TYW1B: variants seen among roughly 807,000 people sequenced by gnomAD.
TYW1B encodes tRNA-yW synthesizing protein 1 homolog B, also known as S-adenosyl-L-methionine-dependent tRNA 4-demethylwyosine synthase TYW1B.
TYW1B carries 73 observed loss-of-function variants against 86.9 expected under a neutral mutation model. That is an observed-to-expected ratio of 0.84 (90% CI 0.70 to 1.02). The LOEUF (loss-of-function observed/expected upper bound fraction) is 1.02. Among genes scored for constraint, TYW1B ranks in the 50% least tolerant of loss-of-function variants. TYW1B has a pLI of 0.00. For missense variants in TYW1B, 637 were observed against 827.4 expected (o/e 0.77, Z 2.82); for synonymous variants, 248 against 292.8 (o/e 0.85, Z 1.56).
chr7:72,711,472 TC>T lies in TYW1B; in HGVS notation c.1370+2148del, dbSNP rs1384847904. ...CCTTCGTGTTTCTCTCCTCTTTAAT[TC>T]TTTTTTTTTTTTTTTTTTTTTTTTT... On this transcript the variant is annotated intron_variant, in intron 10 of 13. Coordinates refer to ENST00000620995, the MANE Select transcript of TYW1B (RefSeq NM_001145440.3). Among the ~76,000 whole-genome samples the T allele has an allele frequency of 3.0e-4, 39 of 129,762 alleles. 1 individual carries two copies. In the East Asian group the frequency reaches 5.2e-3, roughly 17 times the overall value. 85.1% of individuals were successfully genotyped at this position (129,762 alleles called of 152,430 possible).
intron 8 of TYW1B, among the ~76,000 whole-genome samples, chr7:72,735,777 C>A (rs1170237643): frequency 2.8e-5 from 4 of 141,378 alleles, no homozygotes; most frequent in Admixed American, 7.2e-5. Flanking sequence ...GGCTGAGGGA[C>A]AAGAATCGCT....
intron 13 of TYW1B, among the ~76,000 whole-genome samples, chr7:72,605,285 G>T (rs1422286575): frequency 1.9e-4 from 29 of 151,492 alleles, no homozygotes; most frequent in African/African-American, 6.8e-4. Flanking sequence ...ATCTTTAAAG[G>T]TCATGTAAAT....
At chr7:72,764,893 C>T (rs1433932461) in intron 7 of TYW1B, among the ~76,000 whole-genome samples, 1 of 152,154 alleles carries the variant, frequency 6.6e-6, no homozygotes, top group African/African-American at 2.4e-5. Context: ...CTATAGTATA[C>T]AACAATTTGG....
chr7:72,827,921 T>C lies in TYW1B; in HGVS notation c.4+151A>G, dbSNP rs1196914526. On this transcript the variant is annotated intron_variant, in intron 1 of 13. Transcript: ENST00000620995. ...CCAGGTCAAAAGTAGGGATCGGTCC[T>C]CCTTGCTCTCAGCGGCGGCTAGCCG... is the stretch of plus-strand genomic sequence containing the variant. 25 of 1,460,634 alleles carry C rather than the reference T, an allele frequency of 1.7e-5. No homozygotes were observed. In the East Asian group the frequency reaches 4.7e-4, roughly 27 times the overall value. 90.5% of individuals were successfully genotyped at this position (1,460,634 alleles called of 1,614,324 possible). A position where few individuals can be genotyped will look rare whatever the true frequency, so the allele number is the denominator to read the frequency against.
intron 7 of TYW1B, among the ~76,000 whole-genome samples, chr7:72,758,674 T>C (rs782322098): frequency 3.9e-5 from 6 of 152,128 alleles, no homozygotes; most frequent in Non-Finnish European, 7.4e-5. Flanking sequence ...TAGAGGCTTT[T>C]TTACTTTATT....
At chr7:72,721,225 A>G (rs1554457433) in intron 9 of TYW1B, among the ~76,000 whole-genome samples, 1 of 152,168 alleles carries the variant, frequency 6.6e-6, no homozygotes, top group Non-Finnish European at 1.5e-5. Flanking sequence ...ATGTGTCTTT[A>G]TAACAGCATG....
chr7:72,601,947 T>C (rs1371905128), intron 13 of TYW1B, among the ~76,000 whole-genome samples: 1 of 152,034 alleles, frequency 6.6e-6, no homozygotes, highest in Non-Finnish European at 1.5e-5. Context: ...GGGCAGAAAA[T>C]TATTCTAAGT....
chr7:72,629,947 A>G (rs1290248811), intron 11 of TYW1B, among the ~76,000 whole-genome samples: 1 of 152,174 alleles, frequency 6.6e-6, no homozygotes, highest in Non-Finnish European at 1.5e-5. Context: ...ATGATTAAAC[A>G]TTCAAAAACA....
intron 10 of TYW1B, among the ~76,000 whole-genome samples, chr7:72,700,155 C>CTTTTTTTTTT (rs587689485): frequency 1.6e-4 from 12 of 74,252 alleles, no homozygotes; most frequent in East Asian, 1.3e-3. Context: ...AGCTTTTACA[C>CTTTTTTTTTT]TTTTTTTTTT....
intron 10 of TYW1B, among the ~76,000 whole-genome samples, chr7:72,712,564 G>A (rs1174992581): frequency 7.9e-5 from 12 of 152,166 alleles, no homozygotes; most frequent in Non-Finnish European, 1.5e-4. Flanking sequence ...TCAACCTCAG[G>A]TGATCCACCG....
intron 2 of TYW1B, among the ~76,000 whole-genome samples, chr7:72,821,034 G>A (rs1284661769): frequency 1.3e-5 from 2 of 152,150 alleles, no homozygotes; most frequent in South Asian, 2.1e-4. Context: ...GTGCAGTGGC[G>A]CCATCTTGGC....
chr7:72,808,096 C>CAA (rs3034181), intron 4 of TYW1B, among the ~76,000 whole-genome samples: 28 of 90,712 alleles, frequency 3.1e-4, no homozygotes, highest in African/African-American at 1.0e-3. Flanking sequence ...GACTCTGTCT[C>CAA]AAAAAAAAAA....
At chr7:72,763,123 A>G (rs1554467497) in intron 7 of TYW1B, among the ~76,000 whole-genome samples, 1 of 151,932 alleles carries the variant, frequency 6.6e-6, no homozygotes, top group African/African-American at 2.4e-5. Flanking sequence ...TCACACCACA[A>G]AAAGTTTTCT....
At chr7:72,665,369 T>G (rs1231232527) in intron 11 of TYW1B, among the ~76,000 whole-genome samples, 3 of 152,232 alleles carry the variant, frequency 2.0e-5, no homozygotes, top group Non-Finnish European at 4.4e-5. Flanking sequence ...GAGTCTCTGA[T>G]GACACTGAGA....
chr7:72,626,663 G>T lies in TYW1B; in HGVS notation c.1617+2224C>A, dbSNP rs2421403. Among the ~76,000 whole-genome samples the T allele has an allele frequency of 5.5e-3, 837 of 151,836 alleles. 8 individuals are homozygous for T. Among genetic ancestry groups the T allele is most frequent in the African/African-American group, 0.019 (796 of 41,350 alleles). Reference sequence around the variant, plus strand: ...AGGTGCTATTCTTGATTCTTTTTTCGTTCAGCCCGTACCTATAACCTAGCA... The same window carrying T: ...AGGTGCTATTCTTGATTCTTTTTTCTTTCAGCCCGTACCTATAACCTAGCA... On this transcript the variant is annotated intron_variant, in intron 12 of 13. Transcript: ENST00000620995.
Position 72,575,380 on chromosome 7 carries a change from T to C in TYW1B, c.*118A>G. ...TGTCTCCATGTTTACTGCCTTATCG[T>C]CTCCTTTGTATGAAAGTATAATTTA... On this transcript the variant is annotated 3_prime_UTR_variant, in exon 14 of 14. Coordinates refer to ENST00000620995, the MANE Select transcript of TYW1B (RefSeq NM_001145440.3). 3 of 1,463,204 alleles carry C rather than the reference T, an allele frequency of 2.1e-6. No individual in the cohort carries two copies. Among genetic ancestry groups the C allele is most frequent in the Non-Finnish European group, 2.7e-6 (3 of 1,108,084 alleles). 90.6% of individuals were successfully genotyped at this position (1,463,204 alleles called of 1,614,324 possible). A position where few individuals can be genotyped will look rare whatever the true frequency, so the allele number is the denominator to read the frequency against.
chr7:72,761,978 T>A (rs1215084652), intron 7 of TYW1B, among the ~76,000 whole-genome samples: 1 of 152,132 alleles, frequency 6.6e-6, no homozygotes, highest in African/African-American at 2.4e-5. Context: ...AAGTTGGCTA[T>A]AATTAAAAGA....
intron 8 of TYW1B, among the ~76,000 whole-genome samples, chr7:72,736,885 C>T (rs1203459901): frequency 6.6e-6 from 1 of 152,168 alleles, no homozygotes; most frequent in East Asian, 1.9e-4. Context: ...AGTTAATGGA[C>T]ATCTGGAGTA....
chr7:72,744,558 T>A lies in TYW1B; in HGVS notation c.1008A>T (p.Leu336=). The change falls in exon 8 of 14, where the codon CTA becomes CTT. Residue 336 remains leucine, a synonymous_variant. Coordinates refer to ENST00000620995, the MANE Select transcript of TYW1B (RefSeq NM_001145440.3). ...CCATGCAGCGATGGCTCTCATTCCA[T>A]AGAATGTGTGTTTGTAACAAGCTCC... ...RERSLLQTHI[L]WNESHRCMET... The A allele has an allele frequency of 6.2e-7, 1 of 1,612,958 alleles. No individual in the cohort carries two copies. The highest frequency in any genetic ancestry group is 8.5e-7 in the Non-Finnish European group (1 of 1,179,138).
Sources: allele counts gnomAD v4.1 joint callset (sites outside exome capture counted in the v4.1 genomes callset), GRCh38; gene constraint gnomAD v4.1.1; transcripts MANE v1.5; gene names NCBI Gene and HGNC (gene_info 2026-07-23, HGNC 2026-07-21).